VPS13C: variants seen among roughly 807,000 people sequenced by gnomAD.
VPS13C encodes the protein intermembrane lipid transfer protein VPS13C.
VPS13C carries 358 observed loss-of-function variants against 456.8 expected under a neutral mutation model. The observed-to-expected ratio is 0.78, with a 90% CI of 0.72 to 0.86. The LOEUF (loss-of-function observed/expected upper bound fraction) is 0.86, where lower values mean the gene tolerates loss of function less well. VPS13C is among the 40% of genes least tolerant of loss of function. The pLI is 0.00. For missense variants in VPS13C, 4,818 were observed against 4,385.4 expected (o/e 1.10, Z -2.79); for synonymous variants, 1,578 against 1,486.7 (o/e 1.06, Z -1.41).
At chr15:62,025,311 A>T (rs886792829) in intron 6 of VPS13C, among the ~76,000 whole-genome samples, 2 of 152,150 alleles carry the variant, frequency 1.3e-5, no homozygotes, top group Non-Finnish European at 2.9e-5. Flanking sequence ...TAAAACCCTC[A>T]GTTTCAAGAA....
chr15:61,877,464 T>C (rs1027952167), intron 74 of VPS13C, among the ~76,000 whole-genome samples: 2 of 146,486 alleles, frequency 1.4e-5, no homozygotes, highest in South Asian at 2.1e-4. Context: ...AACGGATGCA[T>C]AGCATGCTAC....
chr15:61,909,838 G>A (rs938100154), intron 64 of VPS13C, among the ~76,000 whole-genome samples: 5 of 151,864 alleles, frequency 3.3e-5, no homozygotes, highest in Non-Finnish European at 7.4e-5. Context: ...TGTGAATAGC[G>A]CCGCTGGAAA....
In VPS13C at chr15:61,882,634, G is replaced by T; in HGVS notation, c.9586C>A (p.His3196Asn). The T allele has an allele frequency of 6.2e-7, 1 of 1,600,708 alleles. No homozygotes were observed. Among genetic ancestry groups the T allele is most frequent in the Non-Finnish European group, 8.5e-7 (1 of 1,173,894 alleles). ...AACCTGGCCCTTAAACTTCTCTGGT[G>T]AGAAGACTGCTTAAATTCAATCTGA... is the stretch of plus-strand genomic sequence containing the variant. ...GIQIEFKQSS[H>N]QRSLRARLYW... is the part of the protein sequence containing the mutation. The change falls in exon 69 of 85, where the codon CAC becomes AAC. Residue 3196 changes from histidine (H) to asparagine (N), a missense_variant. By Grantham distance (68) the His-to-Asn change is moderately conservative (BLOSUM62 1). Around this residue, in one of 3 missense-constraint regions of VPS13C, gnomAD observed 4,552 missense variants for 4,130.6 expected, o/e 1.10. Transcript: ENST00000644861.
intron 10 of VPS13C, 41 bp downstream of exon 10, chr15:62,013,892 C>T (rs1413142962): frequency 7.1e-7 from 1 of 1,399,218 alleles, no homozygotes; most frequent in Non-Finnish European, 1.0e-6. Context: ...AAATTAAGTG[C>T]ACCTAGGAAA....
At chr15:62,016,890 A>G (rs1481853123) in intron 9 of VPS13C, among the ~76,000 whole-genome samples, 3 of 152,170 alleles carry the variant, frequency 2.0e-5, no homozygotes, top group African/African-American at 7.2e-5. Flanking sequence ...TCCCACCAAC[A>G]GTGTAAAAGT....
chr15:62,046,707 C>T lies in VPS13C; in HGVS notation c.101-2452G>A, dbSNP rs183016017. On this transcript the variant is annotated intron_variant, in intron 1 of 84. Transcript: ENST00000644861. ...CTTTATAACAATTGTTAAGGCACTA[C>T]CATAATGTTTGTAAAAATATAAATA... 1.7e-3 allele frequency among the ~76,000 whole-genome samples: 256 copies of T among 152,268 alleles called. 1 individual carries two copies. The highest frequency in any genetic ancestry group is 4.2e-3 in the African/African-American group (175 of 41,554).
chr15:61,984,938 TTG>T lies in VPS13C; in HGVS notation c.1638_1639del (p.Asn546LysfsTer28). ...AATTTTTAGTATTTCTGGAATATTC[TTG>T]TTTTCTCTTATCGTAACAGAGGTGC... On this transcript the variant is annotated frameshift_variant, in exon 19 of 85. Transcript: ENST00000644861. LOFTEE classifies it high-confidence loss of function. The T allele has an allele frequency of 6.2e-7, 1 of 1,611,988 alleles. No individual in the cohort carries two copies.
At chr15:61,879,824 C>T (rs919032393) in intron 73 of VPS13C, among the ~76,000 whole-genome samples, 11 of 152,178 alleles carry the variant, frequency 7.2e-5, no homozygotes, top group South Asian at 4.1e-4. Context: ...AAACCTGACA[C>T]TATCAGTATG....
rs1220467297 is a variant in VPS13C, at chr15:61,945,828, C to T, written c.5035G>A (p.Asp1679Asn). ...VFRFQLTLYP[D>N]ATEGEAYADM... ...GCATAGGCCTCTCCTTCTGTGGCAT[C>T]TGGATAAAGAGTCAGTTGGAACCTA... Residue 1679 changes from aspartate (D) to asparagine (N), a missense_variant, in exon 45 of 85, where the codon GAT becomes AAT. Around this residue, in one of 3 missense-constraint regions of VPS13C, gnomAD observed 4,552 missense variants for 4,130.6 expected, o/e 1.10. Transcript: ENST00000644861. 1 of 1,613,118 alleles carries T rather than the reference C, an allele frequency of 6.2e-7. No individual in the cohort carries two copies. The highest frequency in any genetic ancestry group is 1.1e-5 in the South Asian group (1 of 90,900).
At chr15:61,869,180 C>T (rs1316404968) in intron 80 of VPS13C, among the ~76,000 whole-genome samples, 4 of 147,852 alleles carry the variant, frequency 2.7e-5, no homozygotes, top group African/African-American at 1.0e-4. Context: ...TGCAGTGGCA[C>T]GATCTCAGCT....
intron 5 of VPS13C, among the ~76,000 whole-genome samples, chr15:62,029,281 C>A (rs2097386081): frequency 1.3e-5 from 2 of 152,054 alleles, no homozygotes; most frequent in African/African-American, 4.8e-5. Context: ...AATAGTAAAT[C>A]CTCAATAAAT....
chr15:61,984,902 C>A lies in VPS13C; in HGVS notation c.1676G>T (p.Gly559Val). The change falls in exon 19 of 85, where the codon GGC becomes GTC. Residue 559 changes from glycine (G) to valine (V), a missense_variant. Transcript: ENST00000644861. Reference protein sequence around the residue: ...IPEILKIQIIGLGTQVSQRPG... With the variant: ...IPEILKIQIIVLGTQVSQRPG... The stretch of plus-strand genomic sequence containing the variant: ...TCGCTGAGATACTTGAGTGCCCAGG[C>A]CAATTATCTGAATTTTTAGTATTTC... The A allele has an allele frequency of 1.2e-6, 2 of 1,612,696 alleles. No individual in the cohort carries two copies. The highest frequency in any genetic ancestry group is 1.7e-6 in the Non-Finnish European group (2 of 1,179,600).
intron 84 of VPS13C, 71 bp from the exon 85 acceptor site, chr15:61,854,629 G>C: frequency 1.4e-6 from 2 of 1,477,312 alleles, no homozygotes; most frequent in Non-Finnish European, 1.9e-6. Context: ...GGAAAGGTAT[G>C]AAAGCAAGGG....
Position 61,929,579 on chromosome 15 carries a change from G to T in VPS13C, c.6208C>A (p.Gln2070Lys). Residue 2070 changes from glutamine to lysine, a missense_variant, in exon 51 of 85, where the codon CAG (glutamine) becomes AAG (lysine). Physicochemically the swap from Gln to Lys is moderately conservative, Grantham distance 53 (BLOSUM62 1). Coordinates refer to ENST00000644861, the MANE Select transcript of VPS13C (RefSeq NM_020821.3). ...VADFFIKAVP[Q>K]SPENVAKETQ... ...TCTTTTGCCACATTTTCTGGACTCT[G>T]AGGCACAGCTTTGATAAAGAAATCT... 1 of 1,613,968 alleles carries T rather than the reference G, an allele frequency of 6.2e-7. No individual in the cohort carries two copies. Among genetic ancestry groups the T allele is most frequent in the East Asian group, 2.2e-5 (1 of 44,842 alleles).
At chr15:61,998,654 T>A (rs1210182010) in intron 16 of VPS13C, among the ~76,000 whole-genome samples, 1 of 152,202 alleles carries the variant, frequency 6.6e-6, no homozygotes, top group African/African-American at 2.4e-5. Context: ...ATCCAGACCA[T>A]CTGACTCCCA....
At chr15:61,868,813 G>C (rs1360836749) in intron 80 of VPS13C, 40 bp from the exon 81 acceptor site, 3 of 1,490,178 alleles carry the variant, frequency 2.0e-6, no homozygotes, top group African/African-American at 2.8e-5. Context: ...AAATACGTGA[G>C]AGTCTTTCAA....
intron 18 of VPS13C, among the ~76,000 whole-genome samples, chr15:61,987,265 A>T (rs2046084558): frequency 6.6e-6 from 1 of 152,148 alleles, no homozygotes. Context: ...GACTTATAAA[A>T]CTATAATAAT....
intron 3 of VPS13C, among the ~76,000 whole-genome samples, chr15:62,037,382 AT>A (rs2048085744): frequency 1.1e-5 from 1 of 88,792 alleles, no homozygotes; most frequent in Non-Finnish European, 2.2e-5. Context: ...TTATATATAA[AT>A]GTATATAATA....
At chr15:61,893,571 A>T (rs888521685) in intron 66 of VPS13C, among the ~76,000 whole-genome samples, 7 of 151,626 alleles carry the variant, frequency 4.6e-5, no homozygotes, top group African/African-American at 1.7e-4. Flanking sequence ...CTAAGTACAC[A>T]GACAAATTGA....
Sources: allele counts gnomAD v4.1 joint callset (sites outside exome capture counted in the v4.1 genomes callset), GRCh38; gene constraint gnomAD v4.1.1; regional missense constraint gnomAD v4.1.1; transcripts MANE v1.5; gene names NCBI Gene and HGNC (gene_info 2026-07-23, HGNC 2026-07-21).